Variants in MPPED2 observed in about 807,000 individuals in gnomAD.
MPPED2 encodes the protein metallophosphoesterase domain containing 2.
A neutral mutation model predicts 33.0 loss-of-function variants in MPPED2; 5 were observed. The observed-to-expected ratio is 0.15, with a 90% CI of 0.08 to 0.32. The LOEUF (loss-of-function observed/expected upper bound fraction) is 0.32, where lower values mean the gene tolerates loss of function less well. MPPED2 is among the 10% of genes least tolerant of loss of function. MPPED2 has a pLI of 1.00. For synonymous variants in MPPED2, 136 were observed against 141.9 expected (o/e 0.96, Z 0.29); for missense variants, 275 against 372.1 (o/e 0.74, Z 2.15).
chr11:30,396,926 G>A (rs1479267061), intron 6 of MPPED2, among the ~76,000 whole-genome samples: 1 of 152,066 alleles, frequency 6.6e-6, no homozygotes, highest in Non-Finnish European at 1.5e-5. Context: ...TGCAAAGAAA[G>A]ACAAGACCAC....
chr11:30,512,677 G>T (rs1469458013), intron 3 of MPPED2, among the ~76,000 whole-genome samples: 1 of 152,102 alleles, frequency 6.6e-6, no homozygotes, highest in Non-Finnish European at 1.5e-5. Context: ...TCCCAAACCC[G>T]TTTGATCTTC....
intron 3 of MPPED2, among the ~76,000 whole-genome samples, chr11:30,513,925 A>G (rs911259948): frequency 6.6e-6 from 1 of 152,196 alleles, no homozygotes; most frequent in Non-Finnish European, 1.5e-5. Context: ...GCCAAGCCTC[A>G]CTACAGTGCT....
At chr11:30,499,172 C>A (rs1952440323) in intron 3 of MPPED2, among the ~76,000 whole-genome samples, 1 of 152,170 alleles carries the variant, frequency 6.6e-6, no homozygotes. Context: ...TACCCTCTAA[C>A]CACATGTGTA....
intron 3 of MPPED2, among the ~76,000 whole-genome samples, chr11:30,529,887 T>A (rs1015043413): frequency 6.6e-6 from 1 of 152,230 alleles, no homozygotes; most frequent in Non-Finnish European, 1.5e-5. Flanking sequence ...AATGACCCTC[T>A]TCTTGAGATT....
chr11:30,414,487 G>A, intron 5 of MPPED2, 146 bp from the exon 6 acceptor site: 1 of 501,036 alleles, frequency 2.0e-6, no homozygotes, highest in Non-Finnish European at 3.6e-6. Flanking sequence ...TGGCTTTTAA[G>A]AAACTTTTCA....
At chr11:30,422,276 C>T (rs1948647706) in intron 4 of MPPED2, among the ~76,000 whole-genome samples, 1 of 152,148 alleles carries the variant, frequency 6.6e-6, no homozygotes, top group Non-Finnish European at 1.5e-5. Flanking sequence ...CACTCAGCTC[C>T]CTCCTCCTTT....
chr11:30,576,171 G>A (rs542379), intron 2 of MPPED2, among the ~76,000 whole-genome samples: 143,859 of 152,252 alleles, frequency 0.94, 68,032 homozygotes, highest in African/African-American at 0.98. Context: ...TTTATGGTCC[G>A]GATCTTACAG....
At chr11:30,502,637 G>A (rs980725678) in intron 3 of MPPED2, among the ~76,000 whole-genome samples, 7 of 152,170 alleles carry the variant, frequency 4.6e-5, no homozygotes, top group African/African-American at 1.7e-4. Context: ...ATGAGATTTT[G>A]ATAGGAAAAT....
chr11:30,414,369 T>G (rs1255769293), intron 5 of MPPED2, 28 bp from the exon 6 acceptor site: 1 of 1,404,940 alleles, frequency 7.1e-7, no homozygotes, highest in African/African-American at 1.4e-5. Context: ...TCAATACACT[T>G]AATTTTCTTT....
chr11:30,475,476 C>T lies in MPPED2; in HGVS notation c.536+19820G>A, dbSNP rs144641384. ...TCTTTCCCTCTGTCCCCAGTCCAAG[C>T]GACCATTGATCTTTTCGTCACTTTA... On this transcript the variant is annotated intron_variant, in intron 4 of 6. Coordinates refer to ENST00000358117, the MANE Select transcript of MPPED2 (RefSeq NM_001584.3). Among the ~76,000 whole-genome samples the T allele has an allele frequency of 3.5e-3, 531 of 152,210 alleles. 7 individuals carry two copies. Among genetic ancestry groups the T allele is most frequent in the African/African-American group, 0.012 (488 of 41,542 alleles).
Position 30,414,346 on chromosome 11 carries a change from G to C in MPPED2, c.653-5C>G. On this transcript the variant is annotated splice_region_variant and splice_polypyrimidine_tract_variant and intron_variant, in intron 5 of 6. Coordinates refer to ENST00000358117, the MANE Select transcript of MPPED2 (RefSeq NM_001584.3). ...TTGGAACCCAGTCTCGAAAACCTAA[G>C]GGCAAAATGCAATCAATACACTTAA... is the stretch of plus-strand genomic sequence containing the variant. The C allele has an allele frequency of 6.3e-7, 1 of 1,587,198 alleles. No homozygotes were observed. The highest frequency in any genetic ancestry group is 8.7e-7 in the Non-Finnish European group (1 of 1,155,544).
At chr11:30,456,798 A>G (rs1950299897) in intron 4 of MPPED2, among the ~76,000 whole-genome samples, 1 of 152,314 alleles carries the variant, frequency 6.6e-6, no homozygotes, top group Non-Finnish European at 1.5e-5. Flanking sequence ...ATGGTTTCAT[A>G]TATAAGACCC....
intron 4 of MPPED2, among the ~76,000 whole-genome samples, chr11:30,445,020 A>C (rs1205049718): frequency 6.6e-6 from 1 of 152,220 alleles, no homozygotes. Context: ...GAATTGTGAA[A>C]TTAAGTTTGG....
At chr11:30,434,091 GC>G (rs1949211195) in intron 4 of MPPED2, among the ~76,000 whole-genome samples, 1 of 152,098 alleles carries the variant, frequency 6.6e-6, no homozygotes, top group Non-Finnish European at 1.5e-5. Flanking sequence ...ATTACACTGA[GC>G]CCTCTCCACT....
intron 4 of MPPED2, among the ~76,000 whole-genome samples, chr11:30,492,156 C>A (rs1330798152): frequency 6.6e-6 from 1 of 152,224 alleles, no homozygotes. Flanking sequence ...GTTTGCAGCA[C>A]CACCAAAAAC....
At chr11:30,491,735 G>C (rs964724563) in intron 4 of MPPED2, among the ~76,000 whole-genome samples, 3 of 152,204 alleles carry the variant, frequency 2.0e-5, no homozygotes, top group African/African-American at 7.2e-5. Flanking sequence ...AAATGCTAAT[G>C]CAGACATTTC....
chr11:30,417,683 C>A lies in MPPED2; in HGVS notation c.537-50G>T, dbSNP rs372235541. On this transcript the variant is annotated intron_variant, in intron 4 of 6. Coordinates refer to ENST00000358117, the MANE Select transcript of MPPED2 (RefSeq NM_001584.3). ...TATCAGGCCAGCAGAGCCACGGCTC[C>A]GCTCTGCAATATTTCTCTCTCGCAC... The A allele has an allele frequency of 9.7e-6, 10 of 1,035,356 alleles. No homozygotes were observed. The East Asian group carries it at 1.9e-4, about 20-fold the overall frequency. 64.1% of individuals were successfully genotyped at this position (1,035,356 alleles called of 1,614,324 possible). A position where few individuals can be genotyped will look rare whatever the true frequency, so the allele number is the denominator to read the frequency against.
At chr11:30,451,190 A>G (rs1428598669) in intron 4 of MPPED2, among the ~76,000 whole-genome samples, 1 of 152,224 alleles carries the variant, frequency 6.6e-6, no homozygotes, top group East Asian at 1.9e-4. Context: ...TACATGATCT[A>G]TAAGCTGTCT....
chr11:30,563,219 AC>A (rs1315882394), intron 2 of MPPED2, among the ~76,000 whole-genome samples: 1 of 152,102 alleles, frequency 6.6e-6, no homozygotes, highest in Non-Finnish European at 1.5e-5. Context: ...CCCTTTTGGC[AC>A]CAGGGACAGG....
Sources: gnomAD v4.1 joint callset for allele counts (sites outside exome capture counted in the v4.1 genomes callset) on GRCh38, gnomAD v4.1.1 for gene constraint, MANE v1.5 for transcripts, NCBI Gene and HGNC (gene_info 2026-07-23, HGNC 2026-07-21) for gene names.